MYL3: variants seen among roughly 807,000 people sequenced by gnomAD.
MYL3 encodes myosin light chain 3, also known as CMLC1.
A neutral mutation model predicts 21.3 loss-of-function variants in MYL3; 11 were observed. That is an observed-to-expected ratio of 0.52 (90% CI 0.32 to 0.85). MYL3 has a LOEUF of 0.85. Among genes scored for constraint, MYL3 ranks in the 40% least tolerant of loss-of-function variants. MYL3 has a pLI of 0.03. For missense variants in MYL3, 206 were observed against 253.3 expected (o/e 0.81, Z 1.27); for synonymous variants, 88 against 91.6 (o/e 0.96, Z 0.22).
chr3:46,874,371 G>T lies in MYL3; in HGVS notation c.-218+7703C>A, dbSNP rs997870987. On this transcript the variant is annotated intron_variant, in intron 1 of 3. Coordinates refer to the MYL3 transcript ENST00000431168. This position sits in a 1 kb window ranked among gnomAD's most constrained non-coding sequence, Gnocchi z 4.1. ...AACTGAGGCCCAGAGATTTGGCAAG[G>T]CACGACAAAGGACCACCCACATAGA... Among the ~76,000 whole-genome samples, 3 of 152,166 alleles carry T rather than the reference G, an allele frequency of 2.0e-5. No homozygotes were observed. The highest frequency in any genetic ancestry group is 4.4e-5 in the Non-Finnish European group (3 of 68,036).
At chr3:46,875,784 G>A (rs1473862356) in intron 1 of MYL3, among the ~76,000 whole-genome samples, 1 of 152,228 alleles carries the variant, frequency 6.6e-6, no homozygotes, top group Non-Finnish European at 1.5e-5. Flanking sequence ...ATCCAGCCTT[G>A]GCATCCAGGC....
At chr3:46,865,437 C>T (rs1434267222), upstream of MYL3, among the ~76,000 whole-genome samples, 1 of 152,160 alleles carries the variant, frequency 6.6e-6, no homozygotes, top group Non-Finnish European at 1.5e-5. This position sits in a 1 kb window ranked among gnomAD's most constrained non-coding sequence, Gnocchi z 4.3. Flanking sequence ...ACCACCCAGG[C>T]CTGCCGACCC....
At chr3:46,862,115 G>T (rs1701999170) in intron 1 of MYL3, among the ~76,000 whole-genome samples, 1 of 152,174 alleles carries the variant, frequency 6.6e-6, no homozygotes, top group African/African-American at 2.4e-5. Context: ...GGGTCTCATT[G>T]TCCCCACCTC....
chr3:46,879,689 G>T lies in MYL3; in HGVS notation c.-218+2385C>A, dbSNP rs539749177. ...TTGAGCCCAGGAGGTCAAGGCTGCT[G>T]TGAGCCATGACCGTGCCACTGCACT... is the stretch of plus-strand genomic sequence containing the variant. On this transcript the variant is annotated intron_variant, in intron 1 of 3. Transcript: ENST00000431168. This position sits in a 1 kb window ranked among gnomAD's most constrained non-coding sequence, Gnocchi z 4.7. Among the ~76,000 whole-genome samples the T allele has an allele frequency of 2.0e-4, 31 of 152,314 alleles. No individual in the cohort carries two copies. Among genetic ancestry groups the T allele is most frequent in the Non-Finnish European group, 4.3e-4 (29 of 68,032 alleles).
At chr3:46,876,859 C>G (rs968519358) in intron 1 of MYL3, among the ~76,000 whole-genome samples, 1 of 152,222 alleles carries the variant, frequency 6.6e-6, no homozygotes, top group Admixed American at 6.5e-5. Context: ...GAAGGGCAGC[C>G]TCCAGCCGGG....
upstream of MYL3, among the ~76,000 whole-genome samples, chr3:46,867,145 G>A (rs1447782451): frequency 6.6e-6 from 1 of 151,718 alleles, no homozygotes; most frequent in Non-Finnish European, 1.5e-5. Flanking sequence ...CCCAAACCCT[G>A]ACCAAAGACT....
intron 1 of MYL3, among the ~76,000 whole-genome samples, 190 bp downstream of exon 1, chr3:46,863,072 T>C (rs944565627): frequency 2.6e-5 from 4 of 152,246 alleles, no homozygotes; most frequent in Admixed American, 6.5e-5. Flanking sequence ...GCAGAACGTC[T>C]GACCACCATC....
chr3:46,872,929 G>A (rs2029994914), intron 1 of MYL3, among the ~76,000 whole-genome samples: 1 of 152,216 alleles, frequency 6.6e-6, no homozygotes, highest in South Asian at 2.1e-4. Flanking sequence ...CATGGCAACT[G>A]AGAGACAAAG....
chr3:46,862,632 TGAGA>T (rs1343585791), intron 1 of MYL3, among the ~76,000 whole-genome samples: 3 of 152,094 alleles, frequency 2.0e-5, no homozygotes, highest in Non-Finnish European at 4.4e-5. Flanking sequence ...GTTTAGACTC[TGAGA>T]AAGACTTTGC....
In MYL3 at chr3:46,863,295, A is replaced by T. The variant is rs886058582; in HGVS notation, c.96T>A (p.Pro32=). The change falls in exon 1 of 7, where the codon CCT becomes CCA. Residue 32 remains proline (P), a synonymous_variant. Coordinates refer to ENST00000292327, the MANE Select transcript of MYL3 (RefSeq NM_000258.3). The part of the protein sequence containing the change: ...APAPPPEPER[P]KEVEFDASKI... ...TGGAAGCATCAAACTCGACCTCCTT[A>T]GGGCGCTCAGGCTCAGGGGGAGGTG... 7 of 1,613,924 alleles carry T rather than the reference A, an allele frequency of 4.3e-6. No individual in the cohort carries two copies. The South Asian group carries it at 6.6e-5, about 15-fold the overall frequency.
chr3:46,869,020 G>T (rs1702076684), intron 1 of MYL3, among the ~76,000 whole-genome samples: 1 of 152,234 alleles, frequency 6.6e-6, no homozygotes, highest in South Asian at 2.1e-4. Flanking sequence ...GAAAACAAAG[G>T]CCTGGGGCTT....
In MYL3 at chr3:46,874,069, T is replaced by C. The variant is rs2030061734; in HGVS notation, c.-217-7469A>G. 6.6e-6 allele frequency among the ~76,000 whole-genome samples: 1 copy of C among 152,246 alleles called. No individual in the cohort carries two copies. Among genetic ancestry groups the C allele is most frequent in the African/African-American group, 2.4e-5 (1 of 41,476 alleles). On this transcript the variant is annotated intron_variant, in intron 1 of 3. Transcript: ENST00000431168. The surrounding 1 kb of genome is among the most constrained non-coding windows in gnomAD (Gnocchi z 4.1). ...CAGAGGGCACGGGTGTCGGAAGGCC[T>C]GGAGACTTGCTCTGGATGAGCGGGG...
chr3:46,875,212 T>C (rs1416344661), intron 1 of MYL3, among the ~76,000 whole-genome samples: 1 of 152,104 alleles, frequency 6.6e-6, no homozygotes, highest in Non-Finnish European at 1.5e-5. Flanking sequence ...AGCACAGAGA[T>C]GGGCACAAAG....
rs1251755912 is a variant in MYL3 at position 46,861,829 on chromosome 3, A to G, written c.130-842T>C. Among the ~76,000 whole-genome samples, 2 of 152,188 alleles carry G rather than the reference A, an allele frequency of 1.3e-5. No individual in the cohort carries two copies. Among genetic ancestry groups the G allele is most frequent in the Non-Finnish European group, 1.5e-5 (1 of 68,032 alleles). On this transcript the variant is annotated intron_variant, in intron 1 of 6. Transcript: ENST00000292327. This position sits in a 1 kb window ranked among gnomAD's most constrained non-coding sequence, Gnocchi z 4.2. ...AGGGAAAGGAGGTTGGGGGAGGGGCATGACTGGCGTCTCTCTCATGGCTGC... is the reference window on the plus strand; with the variant it reads ...AGGGAAAGGAGGTTGGGGGAGGGGCGTGACTGGCGTCTCTCTCATGGCTGC...
intron 1 of MYL3, among the ~76,000 whole-genome samples, chr3:46,862,561 C>G (rs909633218): frequency 2.0e-5 from 3 of 152,138 alleles, no homozygotes; most frequent in Non-Finnish European, 2.9e-5. Flanking sequence ...AGGGAGCAGG[C>G]AGGACACAGG....
chr3:46,874,670 A>C lies in MYL3; in HGVS notation c.-218+7404T>G, dbSNP rs72895891. Reference sequence around the variant, plus strand: ...AAATAGCAGCAGCGGGAGCCCATGCAGGGAGAGGCGGAAACACGTGTCAAA... The same window carrying C: ...AAATAGCAGCAGCGGGAGCCCATGCCGGGAGAGGCGGAAACACGTGTCAAA... On this transcript the variant is annotated intron_variant, in intron 1 of 3. Coordinates refer to the MYL3 transcript ENST00000431168. The surrounding 1 kb of genome is among the most constrained non-coding windows in gnomAD (Gnocchi z 4.1). Among the ~76,000 whole-genome samples the C allele has an allele frequency of 0.036, 5,468 of 152,312 alleles. 126 individuals carry two copies. Among genetic ancestry groups the C allele is most frequent in the African/African-American group, 0.057 (2,382 of 41,558 alleles).
At chr3:46,881,703 A>T (rs1363396481) in intron 1 of MYL3, among the ~76,000 whole-genome samples, 1 of 141,070 alleles carries the variant, frequency 7.1e-6, no homozygotes. Context: ...GACTGAGGGC[A>T]GGGGACGAGG....
intron 1 of MYL3, 151 bp downstream of exon 1, chr3:46,863,111 A>C: frequency 2.6e-6 from 3 of 1,150,422 alleles, no homozygotes; most frequent in Non-Finnish European, 3.9e-6. Flanking sequence ...CTGATGCCTG[A>C]AGCAGTCAGG....
chr3:46,860,702 C>T lies in MYL3; in HGVS notation c.281G>A (p.Arg94His), dbSNP rs199474703. ...TTCCTGTCTTGGCTTCCCCAGGACA[C>T]GGAGCACTTCTGCCTGTGTGGGGTT... The part of the protein sequence containing the change: ...GQNPTQAEVL[R>H]VLGKPRQEEL... The change falls in exon 3 of 7, where the codon CGT becomes CAT. Residue 94 changes from arginine to histidine, a missense_variant. Physicochemically the swap from Arg to His is conservative, Grantham distance 29. Coordinates refer to ENST00000292327, the MANE Select transcript of MYL3 (RefSeq NM_000258.3). This position sits in a 1 kb window ranked among gnomAD's most constrained non-coding sequence, Gnocchi z 4.6. The T allele has an allele frequency of 4.3e-6, 7 of 1,614,092 alleles. No individual in the cohort carries two copies. The highest frequency in any genetic ancestry group is 1.7e-5 in the Admixed American group (1 of 60,026).
Sources: allele counts gnomAD v4.1 joint callset (sites outside exome capture counted in the v4.1 genomes callset), GRCh38; gene constraint gnomAD v4.1.1; non-coding constraint Gnocchi (gnomAD v3.1); transcripts MANE v1.5; gene names NCBI Gene and HGNC (gene_info 2026-07-23, HGNC 2026-07-21).